The following PRKG2 variants were observed in gnomAD, a reference collection of about 807,000 sequenced individuals.
PRKG2 encodes protein kinase cGMP-dependent 2.
In PRKG2, 33 loss-of-function variants were observed where a neutral mutation model predicts 97.2. The ratio of observed to expected loss-of-function variants is 0.34; its 90% CI spans 0.26 to 0.45. The LOEUF is 0.45. Ranked by LOEUF, PRKG2 falls within the 20% of genes least tolerant of loss-of-function variation. The probability of loss-of-function intolerance (pLI) is 1.00; values close to 1 mark genes in which losing one functional copy is unlikely to be tolerated. For synonymous variants in PRKG2, 330 were observed against 321.8 expected (o/e 1.03, Z -0.27); for missense variants, 638 against 900.0 (o/e 0.71, Z 3.73).
At chr4:81,212,546 G>A (rs1754036300) in intron 1 of PRKG2, among the ~76,000 whole-genome samples, 1 of 152,136 alleles carries the variant, frequency 6.6e-6, no homozygotes, top group African/African-American at 2.4e-5. Flanking sequence ...AAAATGAGGA[G>A]CAGATTTGAG....
At chr4:81,099,535 A>G (rs978413913) in intron 17 of PRKG2, among the ~76,000 whole-genome samples, 7 of 152,322 alleles carry the variant, frequency 4.6e-5, no homozygotes, top group African/African-American at 1.7e-4. Context: ...AAAACTCTCA[A>G]TAAATGAGGT....
chr4:81,211,103 A>G lies in PRKG2; in HGVS notation c.-14+3833T>C, dbSNP rs910748719. ...TAGGGCAGTAAAACTATTCAATATG[A>G]TACTGTAATGATATACACATTTCAT... is the stretch of plus-strand genomic sequence containing the variant. On this transcript the variant is annotated intron_variant, in intron 1 of 18. Transcript: ENST00000264399. Among the ~76,000 whole-genome samples the G allele has an allele frequency of 3.3e-5, 5 of 152,166 alleles. 1 individual carries two copies. Among genetic ancestry groups the G allele is most frequent in the Admixed American group, 3.3e-4 (5 of 15,280 alleles).
chr4:81,200,093 A>T (rs1054628862), intron 2 of PRKG2, among the ~76,000 whole-genome samples: 2 of 152,188 alleles, frequency 1.3e-5, no homozygotes, highest in African/African-American at 4.8e-5. Flanking sequence ...TTTTGCTCTG[A>T]TGAAGTTTTC....
At chr4:81,148,469 A>G (rs1162475507) in intron 9 of PRKG2, among the ~76,000 whole-genome samples, 1 of 152,224 alleles carries the variant, frequency 6.6e-6, no homozygotes, top group Non-Finnish European at 1.5e-5. Flanking sequence ...AAAAATATGT[A>G]GCTAATATAT....
chr4:81,112,324 C>T (rs987848063), intron 14 of PRKG2, among the ~76,000 whole-genome samples: 4 of 152,112 alleles, frequency 2.6e-5, no homozygotes, highest in Admixed American at 2.0e-4. Context: ...AGCACATCAA[C>T]GTATTCCTCA....
At chr4:81,185,229 A>G (rs752374863) in intron 2 of PRKG2, among the ~76,000 whole-genome samples, 4 of 152,192 alleles carry the variant, frequency 2.6e-5, no homozygotes, top group Non-Finnish European at 5.9e-5. Context: ...GCCAGAGAGA[A>G]AGGTCGGGTT....
chr4:81,130,193 C>G (rs1284913868), intron 14 of PRKG2, among the ~76,000 whole-genome samples: 1 of 152,018 alleles, frequency 6.6e-6, no homozygotes, highest in African/African-American at 2.4e-5. Flanking sequence ...GGTGGAAGTC[C>G]TTTTTGTTGA....
Position 81,204,609 on chromosome 4 carries a change from C to T in PRKG2, c.439G>A (p.Ala147Thr), listed in dbSNP as rs1156755719. The T allele has an allele frequency of 3.7e-6, 6 of 1,613,786 alleles. No homozygotes were observed. The highest frequency in any genetic ancestry group is 5.1e-6 in the Non-Finnish European group (6 of 1,179,898). Residue 147 changes from alanine to threonine, a missense_variant, in exon 2 of 19, where the codon GCA becomes ACA. This residue lies in a region of PRKG2 where 332 missense variants were observed against 421.7 expected (regional missense o/e 0.79). Coordinates refer to ENST00000264399, the MANE Select transcript of PRKG2 (RefSeq NM_006259.3). ...NKPPEFSFEK[A>T]RVRKDSSEKK... is the part of the protein sequence containing the mutation. Reference sequence around the variant, plus strand: ...TACCTGGAGTCTTTTCTGACTCTTGCTTTCTCAAAGGAAAATTCAGGGGGT... The same window carrying T: ...TACCTGGAGTCTTTTCTGACTCTTGTTTTCTCAAAGGAAAATTCAGGGGGT...
chr4:81,154,968 A>T (rs1208865610), intron 6 of PRKG2, among the ~76,000 whole-genome samples: 2 of 152,036 alleles, frequency 1.3e-5, no homozygotes, highest in African/African-American at 4.8e-5. Flanking sequence ...AGGTCAGGAG[A>T]TCGAGACCAT....
chr4:81,110,707 C>A, intron 14 of PRKG2, 96 bp from the exon 15 acceptor site: 3 of 1,292,028 alleles, frequency 2.3e-6, no homozygotes, highest in East Asian at 2.4e-5. Context: ...TTCTACACCC[C>A]ACCCTTCTTT....
chr4:81,138,727 T>C (rs1465202006), intron 12 of PRKG2, among the ~76,000 whole-genome samples: 1 of 151,750 alleles, frequency 6.6e-6, no homozygotes, highest in African/African-American at 2.4e-5. Flanking sequence ...CCTGACTACA[T>C]GCCAGGCACT....
chr4:81,137,270 C>G, intron 13 of PRKG2, 123 bp downstream of exon 13: 1 of 741,266 alleles, frequency 1.3e-6, no homozygotes, highest in Non-Finnish European at 2.3e-6. Context: ...ATCACTATTA[C>G]TACTTTATTT....
chr4:81,202,179 T>G (rs935050249), intron 2 of PRKG2, among the ~76,000 whole-genome samples: 4 of 152,224 alleles, frequency 2.6e-5, no homozygotes, highest in Admixed American at 6.5e-5. Context: ...TACAAATTTT[T>G]GACAGGCTGT....
At chr4:81,105,259 T>C (rs1436262538) in intron 16 of PRKG2, among the ~76,000 whole-genome samples, 2 of 152,154 alleles carry the variant, frequency 1.3e-5, no homozygotes, top group African/African-American at 4.8e-5. Context: ...TTTATCTTAC[T>C]GTATAATTAC....
rs756304665 is a variant in PRKG2, at chr4:81,089,771, G to A, written c.2226C>T (p.Asp742=). The change falls in exon 19 of 19, where the codon GAC becomes GAT. Residue 742 remains aspartate (D), a synonymous_variant. Transcript: ENST00000264399. The part of the protein sequence containing the change: ...LKGPIDHSYF[D]KYPPEKGMPP... ...GCATTCCCTTTTCAGGAGGATATTT[G>A]TCAAAGTAGCTGTGATCTATGGGTC... 1.2e-6 allele frequency: 2 copies of A among 1,612,792 alleles called. No individual in the cohort carries two copies. Among genetic ancestry groups the A allele is most frequent in the Non-Finnish European group, 1.7e-6 (2 of 1,178,866 alleles).
chr4:81,112,774 G>T (rs920696845), intron 14 of PRKG2, among the ~76,000 whole-genome samples: 2 of 152,202 alleles, frequency 1.3e-5, no homozygotes, highest in South Asian at 2.1e-4. Flanking sequence ...AATATAGAAG[G>T]CCCCAAATCT....
chr4:81,095,971 T>A (rs1446556946), intron 17 of PRKG2, among the ~76,000 whole-genome samples: 1 of 152,172 alleles, frequency 6.6e-6, no homozygotes, highest in Non-Finnish European at 1.5e-5. Flanking sequence ...TACATAATTT[T>A]AAAATACTTT....
At chr4:81,182,031 ATAGATATT>A (rs1377527650) in intron 2 of PRKG2, among the ~76,000 whole-genome samples, 1 of 151,900 alleles carries the variant, frequency 6.6e-6, no homozygotes, top group African/African-American at 2.4e-5. Flanking sequence ...ATTAAGCCTT[ATAGATATT>A]TAAAGGAAAA....
At chr4:81,197,785 A>T (rs1429088766) in intron 2 of PRKG2, among the ~76,000 whole-genome samples, 1 of 152,248 alleles carries the variant, frequency 6.6e-6, no homozygotes. Context: ...AGTGAAAAAA[A>T]AATGAAGGAG....
Sources: allele counts gnomAD v4.1 joint callset (sites outside exome capture counted in the v4.1 genomes callset), GRCh38; gene constraint gnomAD v4.1.1; regional missense constraint gnomAD v4.1.1; transcripts MANE v1.5; gene names NCBI Gene and HGNC (gene_info 2026-07-23, HGNC 2026-07-21).